The following CEP126 variants were observed in gnomAD, a reference collection of about 807,000 sequenced individuals.
CEP126 encodes the protein centrosomal protein 126.
Under a neutral mutation model 107.8 loss-of-function variants are expected in CEP126, and 74 were observed. The ratio of observed to expected loss-of-function variants is 0.69; its 90% CI spans 0.57 to 0.83. The LOEUF (loss-of-function observed/expected upper bound fraction) is 0.83. CEP126 is among the 40% of genes least tolerant of loss of function. The pLI, the probability that CEP126 is intolerant of heterozygous loss-of-function variation, is 0.00. For missense variants in CEP126, 1,237 were observed against 1,281.9 expected, an observed-to-expected ratio of 0.96 and a Z score of 0.53; for synonymous variants, 449 against 446.0, an observed-to-expected ratio of 1.01 and a Z score of -0.08.
Position 101,958,278 on chromosome 11 carries a change from C to CA in CEP126, c.619dup (p.Thr207AsnfsTer5). The stretch of plus-strand genomic sequence containing the variant: ...AAAGAAATGAATGAAAACATGAGGG[C>CA]AACCTTGGCTACTAGCAAAAATGTG... On this transcript the variant is annotated frameshift_variant, in exon 5 of 11. Coordinates refer to ENST00000263468, the MANE Select transcript of CEP126 (RefSeq NM_020802.4). LOFTEE classifies it high-confidence loss of function. The CA allele has an allele frequency of 6.2e-7, 1 of 1,613,978 alleles. No homozygotes were observed. The highest frequency in any genetic ancestry group is 8.5e-7 in the Non-Finnish European group (1 of 1,179,900).
intron 4 of CEP126, chr11:101,956,280 C>T (rs1379218841): frequency 4.4e-6 from 2 of 456,304 alleles, no homozygotes; most frequent in Non-Finnish European, 8.8e-6. Flanking sequence ...GTTGTTTCCC[C>T]AACCCCTTTG....
Position 101,999,017 on chromosome 11 carries a change from G to C in CEP126, c.*1374G>C, listed in dbSNP as rs1565373509. The C allele has an allele frequency of 6.6e-6, 1 of 152,118 alleles. No homozygotes were observed. The highest frequency in any genetic ancestry group is 1.5e-5 in the Non-Finnish European group (1 of 68,022). 9.4% of individuals were successfully genotyped at this position (152,118 alleles called of 1,614,324 possible). Reference sequence around the variant, plus strand: ...ATTCACTTTTTAAATGAAGAAATTAGTGAAAAAATTGACCTAATGAAGGAA... The same window carrying C: ...ATTCACTTTTTAAATGAAGAAATTACTGAAAAAATTGACCTAATGAAGGAA... On this transcript the variant is annotated 3_prime_UTR_variant, in exon 11 of 11. Coordinates refer to ENST00000263468, the MANE Select transcript of CEP126 (RefSeq NM_020802.4).
intron 5 of CEP126, 129 bp from the exon 6 acceptor site, chr11:101,961,612 C>G: frequency 1.8e-6 from 1 of 542,512 alleles, no homozygotes; most frequent in Non-Finnish European, 3.2e-6. Flanking sequence ...ATTTATATAC[C>G]TATGATGTTT....
At chr11:101,950,713 C>T (rs10791545) in intron 4 of CEP126, among the ~76,000 whole-genome samples, 58,461 of 152,004 alleles carry the variant, frequency 0.38, 11,520 homozygotes, top group East Asian at 0.51. Context: ...TTGTGAAAGG[C>T]ATAGACCCCT....
intron 9 of CEP126, among the ~76,000 whole-genome samples, chr11:101,989,676 C>G (rs981485939): frequency 6.6e-6 from 1 of 152,106 alleles, no homozygotes; most frequent in Non-Finnish European, 1.5e-5. Context: ...AACACAGAAA[C>G]AGGCCGGGCG....
intron 9 of CEP126, among the ~76,000 whole-genome samples, chr11:101,991,876 A>G (rs1227497467): frequency 6.6e-6 from 1 of 152,240 alleles, no homozygotes; most frequent in Non-Finnish European, 1.5e-5. Context: ...CTAAAAACAG[A>G]TAAACCTAAA....
intron 4 of CEP126, chr11:101,955,784 C>T (rs960180090): frequency 3.5e-5 from 15 of 428,380 alleles, no homozygotes; most frequent in African/African-American, 3.0e-4. Context: ...GCTTTTCCAC[C>T]TGTGCAGATC....
In CEP126 at chr11:101,948,081, G is replaced by A. The variant is rs916039482; in HGVS notation, c.445G>A (p.Glu149Lys). ...AGAAGAGGCCCTCAAACAAATTCAG[G>A]AATCCAACTTAAAATCAGAAGTAAA... Reference protein sequence around the residue: ...PLEEALKQIQESNLKSEVNLP... With the variant: ...PLEEALKQIQKSNLKSEVNLP... The change falls in exon 4 of 11, where the codon GAA becomes AAA. Residue 149 changes from glutamate (E) to lysine (K), a missense_variant. By Grantham distance (56) the Glu-to-Lys change is moderately conservative (BLOSUM62 1). Around this residue, in one of 3 missense-constraint regions of CEP126, gnomAD observed 1,134 missense variants for 1,150.5 expected, o/e 0.99. Coordinates refer to ENST00000263468, the MANE Select transcript of CEP126 (RefSeq NM_020802.4). 23 of 1,611,668 alleles carry A rather than the reference G, an allele frequency of 1.4e-5. No individual in the cohort carries two copies. Among genetic ancestry groups the A allele is most frequent in the African/African-American group, 2.7e-5 (2 of 74,852 alleles).
At chr11:101,955,914 C>T (rs1158680807) in intron 4 of CEP126, 3 of 456,422 alleles carry the variant, frequency 6.6e-6, no homozygotes, top group Non-Finnish European at 1.3e-5. Flanking sequence ...CCAACTGTTT[C>T]TCCTGCCCGC....
chr11:101,948,118 C>T lies in CEP126; in HGVS notation c.482C>T (p.Ser161Phe). The T allele has an allele frequency of 2.5e-6, 4 of 1,606,286 alleles. No individual in the cohort carries two copies. Among genetic ancestry groups the T allele is most frequent in the Non-Finnish European group, 3.4e-6 (4 of 1,173,710 alleles). Residue 161 changes from serine to phenylalanine, a missense_variant, in exon 4 of 11, where the codon TCC (serine) becomes TTC (phenylalanine). By Grantham distance (155) the Ser-to-Phe change is radical. Transcript: ENST00000263468. ...AAATCAGAAGTAAACCTTCCCTTTT[C>T]CCGTAGACCAACAATAAACTGGAGG... ...NLKSEVNLPF[S>F]RRPTINWRAI...
intron 4 of CEP126, among the ~76,000 whole-genome samples, chr11:101,957,292 G>A (rs975330969): frequency 1.3e-5 from 2 of 152,122 alleles, no homozygotes; most frequent in Non-Finnish European, 2.9e-5. Context: ...TAATTTAATT[G>A]AATTAGGAAT....
intron 2 of CEP126, among the ~76,000 whole-genome samples, chr11:101,938,167 A>AAAAAAAAAAAAC (rs1940615527): frequency 6.9e-6 from 1 of 144,772 alleles, no homozygotes; most frequent in Non-Finnish European, 1.5e-5. Flanking sequence ...CTCAAAAAAA[A>AAAAAAAAAAAAC]AAAAAAAAAT....
chr11:101,993,450 C>G (rs1329125810), intron 10 of CEP126, among the ~76,000 whole-genome samples: 1 of 152,154 alleles, frequency 6.6e-6, no homozygotes, highest in Non-Finnish European at 1.5e-5. Context: ...TTTCTCTATC[C>G]AGTCTACCAT....
intron 2 of CEP126, among the ~76,000 whole-genome samples, chr11:101,927,832 G>A (rs1940435466): frequency 6.6e-6 from 1 of 152,152 alleles, no homozygotes; most frequent in Non-Finnish European, 1.5e-5. Flanking sequence ...TGATATGTCA[G>A]TCTATTATAA....
chr11:101,998,963 T>C lies in CEP126; in HGVS notation c.*1320T>C, dbSNP rs902728213. On this transcript the variant is annotated 3_prime_UTR_variant, in exon 11 of 11. Coordinates refer to ENST00000263468, the MANE Select transcript of CEP126 (RefSeq NM_020802.4). ...CCATGTTAGTAGAAATGGAAACTATTGGATGAAATGAGGAAAAACAGGAAA... is the reference window on the plus strand; with the variant it reads ...CCATGTTAGTAGAAATGGAAACTATCGGATGAAATGAGGAAAAACAGGAAA... 2 of 152,152 alleles carry C rather than the reference T, an allele frequency of 1.3e-5. No homozygotes were observed. Among genetic ancestry groups the C allele is most frequent in the Admixed American group, 1.3e-4 (2 of 15,270 alleles). The allele number at this position is 152,152 out of a possible 1,614,324, so 9.4% of individuals were successfully genotyped here.
At chr11:101,956,946 A>G in intron 4 of CEP126, 1 of 336,252 alleles carries the variant, frequency 3.0e-6, no homozygotes, top group Non-Finnish European at 5.8e-6. Context: ...CTTTAAAGGT[A>G]AATAAATTGA....
intron 2 of CEP126, among the ~76,000 whole-genome samples, chr11:101,935,917 A>AG (rs1322263397): frequency 6.6e-6 from 1 of 152,076 alleles, no homozygotes; most frequent in Admixed American, 6.5e-5. Context: ...GATCCACTTG[A>AG]GGGGGAAGGG....
At chr11:101,948,428 T>C (rs1460286627) in intron 4 of CEP126, among the ~76,000 whole-genome samples, 2 of 152,194 alleles carry the variant, frequency 1.3e-5, no homozygotes, top group Admixed American at 6.5e-5. Flanking sequence ...GATATTGATA[T>C]TTTGATTAAA....
At chr11:101,954,233 G>A (rs1259394064) in intron 4 of CEP126, among the ~76,000 whole-genome samples, 2 of 152,014 alleles carry the variant, frequency 1.3e-5, no homozygotes, top group East Asian at 3.9e-4. Flanking sequence ...TCACCATTTT[G>A]GCCAGGAGGG....
Sources: allele counts gnomAD v4.1 joint callset (sites outside exome capture counted in the v4.1 genomes callset), GRCh38; gene constraint gnomAD v4.1.1; regional missense constraint gnomAD v4.1.1; transcripts MANE v1.5; gene names NCBI Gene and HGNC (gene_info 2026-07-23, HGNC 2026-07-21).